Variants in GLRB observed in about 807,000 individuals in gnomAD.
The protein encoded by GLRB is glycine receptor beta.
In GLRB, 33 loss-of-function variants were observed where a neutral mutation model predicts 54.2. The ratio of observed to expected loss-of-function variants is 0.61; its 90% CI spans 0.46 to 0.81. GLRB has a LOEUF of 0.81. Ranked by LOEUF, GLRB falls within the 40% of genes least tolerant of loss-of-function variation. The pLI is 0.00. For synonymous variants in GLRB, 209 were observed against 208.2 expected, an observed-to-expected ratio of 1.00 and a Z score of -0.03; for missense variants, 572 against 584.6, an observed-to-expected ratio of 0.98 and a Z score of 0.22.
chr4:157,106,799 G>C (rs1298831336), intron 2 of GLRB, among the ~76,000 whole-genome samples: 7 of 151,976 alleles, frequency 4.6e-5, no homozygotes, highest in African/African-American at 1.4e-4. Flanking sequence ...TGTCCAACTT[G>C]CCGATAGCCT....
chr4:157,105,484 G>A (rs1423395017), intron 2 of GLRB, among the ~76,000 whole-genome samples: 1 of 151,988 alleles, frequency 6.6e-6, no homozygotes, highest in Non-Finnish European at 1.5e-5. Context: ...TGAGAAAAAT[G>A]TAGTTCTTCT....
chr4:157,102,990 C>T (rs1297014909), intron 2 of GLRB, among the ~76,000 whole-genome samples: 3 of 151,906 alleles, frequency 2.0e-5, no homozygotes, highest in South Asian at 2.1e-4. Context: ...CATAGTGAAA[C>T]CCCGTCTCTA....
chr4:157,117,174 A>G (rs1391302837), intron 2 of GLRB, among the ~76,000 whole-genome samples: 1 of 151,760 alleles, frequency 6.6e-6, no homozygotes. Flanking sequence ...ACTCAAGGTA[A>G]AATACATATG....
intron 9 of GLRB, among the ~76,000 whole-genome samples, chr4:157,163,440 C>G (rs1408270715): frequency 6.6e-6 from 1 of 152,160 alleles, no homozygotes; most frequent in African/African-American, 2.4e-5. Context: ...CCTATTTGGC[C>G]ATCTTGGAAC....
intron 2 of GLRB, among the ~76,000 whole-genome samples, chr4:157,088,198 G>A (rs1362516652): frequency 6.6e-6 from 1 of 152,134 alleles, no homozygotes. Flanking sequence ...TGATTGCTGA[G>A]AATAACCTAA....
chr4:157,139,723 C>T (rs1736541089), intron 7 of GLRB, among the ~76,000 whole-genome samples: 2 of 151,910 alleles, frequency 1.3e-5, no homozygotes, highest in South Asian at 4.1e-4. Flanking sequence ...ATCAGTTCAA[C>T]ATGTAAATTA....
chr4:157,162,978 C>T (rs1447221708), intron 9 of GLRB, among the ~76,000 whole-genome samples: 1 of 152,144 alleles, frequency 6.6e-6, no homozygotes, highest in Non-Finnish European at 1.5e-5. Flanking sequence ...CTGTGGTGGG[C>T]TCCACCCAGT....
intron 2 of GLRB, among the ~76,000 whole-genome samples, chr4:157,090,315 A>G (rs560155498): frequency 1.4e-4 from 21 of 152,218 alleles, no homozygotes; most frequent in Non-Finnish European, 2.8e-4. Context: ...TATGAAAACT[A>G]CATTTTCAAA....
intron 2 of GLRB, chr4:157,084,694 T>G (rs1734343913): frequency 2.2e-6 from 1 of 456,120 alleles, no homozygotes; most frequent in African/African-American, 2.0e-5. Flanking sequence ...TGACAGCATT[T>G]TCATACTTCA....
At chr4:157,138,135 G>T (rs1341074009) in intron 6 of GLRB, among the ~76,000 whole-genome samples, 1 of 152,088 alleles carries the variant, frequency 6.6e-6, no homozygotes, top group African/African-American at 2.4e-5. Context: ...ACAGTGGTGC[G>T]ATCTCAGCTC....
intron 9 of GLRB, among the ~76,000 whole-genome samples, chr4:157,163,923 T>C (rs1737615426): frequency 6.6e-6 from 1 of 151,970 alleles, no homozygotes; most frequent in Non-Finnish European, 1.5e-5. Context: ...CTACTCTATC[T>C]TCCTGGATGT....
intron 8 of GLRB, among the ~76,000 whole-genome samples, chr4:157,151,512 G>A (rs1020419956): frequency 3.3e-5 from 5 of 152,036 alleles, no homozygotes; most frequent in Non-Finnish European, 7.4e-5. Context: ...AAGTAAACTA[G>A]GAGCTTATCA....
intron 6 of GLRB, among the ~76,000 whole-genome samples, chr4:157,137,463 T>A: frequency 6.7e-6 from 1 of 149,758 alleles, no homozygotes. Context: ...CTTTTGAAAA[T>A]AAAAGTAGAA....
chr4:157,126,705 A>G (rs1229825018), intron 4 of GLRB, among the ~76,000 whole-genome samples: 1 of 151,800 alleles, frequency 6.6e-6, no homozygotes, highest in Non-Finnish European at 1.5e-5. Context: ...ATATTTGTTG[A>G]GTTTCCATTC....
chr4:157,109,276 G>A (rs1268203446), intron 2 of GLRB, among the ~76,000 whole-genome samples: 1 of 151,796 alleles, frequency 6.6e-6, no homozygotes, highest in Non-Finnish European at 1.5e-5. Context: ...ATCTTTTTGG[G>A]GGCTTTCTGG....
At chr4:157,085,815 T>C (rs1205962852) in intron 2 of GLRB, among the ~76,000 whole-genome samples, 1 of 152,154 alleles carries the variant, frequency 6.6e-6, no homozygotes, top group Non-Finnish European at 1.5e-5. Flanking sequence ...CATGTTGTTA[T>C]TCTTATGTTT....
intron 4 of GLRB, among the ~76,000 whole-genome samples, chr4:157,132,470 T>C (rs1736252379): frequency 6.6e-6 from 1 of 151,856 alleles, no homozygotes; most frequent in Non-Finnish European, 1.5e-5. Flanking sequence ...TTTTTTGCTT[T>C]TCCCACATGT....
chr4:157,159,645 G>T (rs1737387684), intron 9 of GLRB, among the ~76,000 whole-genome samples: 1 of 152,122 alleles, frequency 6.6e-6, no homozygotes, highest in Non-Finnish European at 1.5e-5. Context: ...TTATTGATTT[G>T]CATATGTTGA....
intron 2 of GLRB, among the ~76,000 whole-genome samples, chr4:157,082,297 C>A (rs867225407): frequency 6.6e-5 from 10 of 152,092 alleles, no homozygotes; most frequent in Non-Finnish European, 1.2e-4. Context: ...TCTGTGCCCC[C>A]ACAGTTCCCC....
Sources: gnomAD v4.1 joint callset for allele counts (sites outside exome capture counted in the v4.1 genomes callset) on GRCh38, gnomAD v4.1.1 for gene constraint, MANE v1.5 for transcripts, NCBI Gene and HGNC (gene_info 2026-07-23, HGNC 2026-07-21) for gene names.